Variants in UST observed in about 807,000 individuals in gnomAD.
The protein encoded by UST is uronyl 2-sulfotransferase.
A neutral mutation model predicts 45.6 loss-of-function variants in UST; 21 were observed. That is an observed-to-expected ratio of 0.46 (90% CI 0.33 to 0.66). The LOEUF is 0.66. Ranked by LOEUF, UST falls within the 30% of genes least tolerant of loss-of-function variation. The probability of loss-of-function intolerance (pLI) is 0.02; values close to 1 mark genes in which losing one functional copy is unlikely to be tolerated. For synonymous variants in UST, 215 were observed against 200.6 expected (o/e 1.07, Z -0.61); for missense variants, 463 against 512.4 (o/e 0.90, Z 0.93).
At chr6:148,784,488 G>A (rs1489182347) in intron 1 of UST, among the ~76,000 whole-genome samples, 2 of 152,178 alleles carry the variant, frequency 1.3e-5, no homozygotes, top group Admixed American at 6.5e-5. Flanking sequence ...ACCCATTCAC[G>A]AGGAACTGTC....
At chr6:149,071,774 C>T (rs140915964) in intron 7 of UST, among the ~76,000 whole-genome samples, 118 of 151,864 alleles carry the variant, frequency 7.8e-4, no homozygotes, top group African/African-American at 2.5e-3. Context: ...TTCAACTCAA[C>T]AATAAAAACA....
In UST at chr6:148,747,264, G is replaced by C; in HGVS notation, c.-167G>C. 1.5e-5 allele frequency: 12 copies of C among 777,860 alleles called. No individual in the cohort carries two copies. Among genetic ancestry groups the C allele is most frequent in the Non-Finnish European group, 2.1e-5 (12 of 571,296 alleles). The allele number at this position is 777,860 out of a possible 1,614,324, so 48.2% of individuals were successfully genotyped here. On this transcript the variant is annotated 5_prime_UTR_variant, in exon 1 of 8. Coordinates refer to ENST00000367463, the MANE Select transcript of UST (RefSeq NM_005715.3). Reference sequence around the variant, plus strand: ...GGGCCGCGGCGGCGGGGACCATGCCGAAGAAAGTCTCCTGAGCCCGGCAAC... The same window carrying C: ...GGGCCGCGGCGGCGGGGACCATGCCCAAGAAAGTCTCCTGAGCCCGGCAAC...
intron 1 of UST, among the ~76,000 whole-genome samples, chr6:148,850,240 A>G (rs992890110): frequency 1.4e-4 from 21 of 152,218 alleles, no homozygotes; most frequent in Non-Finnish European, 1.9e-4. Flanking sequence ...TAGCTTCCCC[A>G]GGGCTTCATA....
chr6:149,013,722 A>G (rs1426950840), intron 5 of UST, among the ~76,000 whole-genome samples: 2 of 152,132 alleles, frequency 1.3e-5, no homozygotes, highest in African/African-American at 4.8e-5. Context: ...CATTCAGGGA[A>G]CTTTGCATAT....
rs1778128349 is a variant in UST, at chr6:148,852,596, A to C, written c.248-34390A>C. 2.6e-5 allele frequency among the ~76,000 whole-genome samples: 4 copies of C among 152,164 alleles called. 1 individual carries two copies. On this transcript the variant is annotated intron_variant, in intron 1 of 7. Coordinates refer to ENST00000367463, the MANE Select transcript of UST (RefSeq NM_005715.3). Reference sequence around the variant, plus strand: ...AATCCTCAGAGATCTGGAGCATAGGAGATTGCTTTGAGGGCATGTAGGGTA... The same window carrying C: ...AATCCTCAGAGATCTGGAGCATAGGCGATTGCTTTGAGGGCATGTAGGGTA...
chr6:149,073,675 C>T (rs1026577239), intron 7 of UST, among the ~76,000 whole-genome samples, 158 bp from the exon 8 acceptor site: 14 of 152,196 alleles, frequency 9.2e-5, no homozygotes, highest in Non-Finnish European at 1.8e-4. Flanking sequence ...GTAAGTGTTT[C>T]CAAATATTGT....
In UST at chr6:148,747,364, C is replaced by G. The variant is rs184117487; in HGVS notation, c.-67C>G. 13 of 1,362,502 alleles carry G rather than the reference C, an allele frequency of 9.5e-6. No individual in the cohort carries two copies. Among genetic ancestry groups the G allele is most frequent in the Middle Eastern group, 2.2e-4 (1 of 4,506 alleles). The allele number at this position is 1,362,502 out of a possible 1,614,324, so 84.4% of individuals were successfully genotyped here. On this transcript the variant is annotated 5_prime_UTR_variant, in exon 1 of 8. Transcript: ENST00000367463. ...ATGTGCAGCCGGCCAGCCGGGCTCT[C>G]CTCCTCGCGGCGGATGGGTGACCTT...
At chr6:148,779,750 G>A (rs1468362514) in intron 1 of UST, among the ~76,000 whole-genome samples, 1 of 152,164 alleles carries the variant, frequency 6.6e-6, no homozygotes, top group Non-Finnish European at 1.5e-5. Context: ...ACAGAATAGT[G>A]AATTATTCTC....
chr6:148,815,125 A>G (rs77473276), intron 1 of UST, among the ~76,000 whole-genome samples: 1,856 of 152,372 alleles, frequency 0.012, 32 homozygotes, highest in African/African-American at 0.043. Context: ...ATGAACTCCA[A>G]CACTTACTTG....
intron 7 of UST, 144 bp from the exon 8 acceptor site, chr6:149,073,689 G>A (rs1776849129): frequency 1.1e-6 from 1 of 926,328 alleles, no homozygotes; most frequent in Non-Finnish European, 1.6e-6. Context: ...ATATTGTCAG[G>A]AACCCTTCTT....
intron 3 of UST, among the ~76,000 whole-genome samples, chr6:148,946,620 G>T (rs1780244081): frequency 6.7e-6 from 1 of 150,270 alleles, no homozygotes. Context: ...GACCATCCTG[G>T]CTAACATGGT....
chr6:149,011,855 A>G (rs918261840), intron 5 of UST, among the ~76,000 whole-genome samples: 1 of 140,430 alleles, frequency 7.1e-6, no homozygotes. Flanking sequence ...TTATTTTCCC[A>G]ATAATTTTAA....
intron 1 of UST, among the ~76,000 whole-genome samples, chr6:148,877,793 A>G (rs1582871747): frequency 1.2e-5 from 1 of 80,610 alleles, no homozygotes; most frequent in Non-Finnish European, 2.3e-5. Context: ...GTTGGGTATG[A>G]GTGTGAGGGG....
chr6:148,808,988 C>T (rs1454562901), intron 1 of UST, among the ~76,000 whole-genome samples: 1 of 152,238 alleles, frequency 6.6e-6, no homozygotes, highest in Non-Finnish European at 1.5e-5. Context: ...GTTGTGTAAG[C>T]CACCCGGTCT....
chr6:149,065,248 A>G (rs1776714938), intron 7 of UST, among the ~76,000 whole-genome samples: 1 of 152,238 alleles, frequency 6.6e-6, no homozygotes, highest in Non-Finnish European at 1.5e-5. Flanking sequence ...AAAAATCCTA[A>G]CAACTTCCTC....
intron 5 of UST, among the ~76,000 whole-genome samples, chr6:149,015,842 G>A (rs1049078392): frequency 1.3e-5 from 2 of 152,174 alleles, no homozygotes; most frequent in African/African-American, 4.8e-5. Flanking sequence ...GTCAGAACAG[G>A]CCACTGTAAG....
At chr6:148,917,153 A>C (rs1448325240) in intron 2 of UST, among the ~76,000 whole-genome samples, 1 of 152,184 alleles carries the variant, frequency 6.6e-6, no homozygotes, top group East Asian at 1.9e-4. Flanking sequence ...CCTGGGGAGG[A>C]AAGGCTGCTT....
At chr6:148,995,342 A>G (rs1046469159) in intron 5 of UST, among the ~76,000 whole-genome samples, 3 of 152,162 alleles carry the variant, frequency 2.0e-5, no homozygotes, top group African/African-American at 7.2e-5. Context: ...TTCTTATTTT[A>G]GAGGTAAGAA....
chr6:149,053,746 A>G (rs1776523052), intron 7 of UST, among the ~76,000 whole-genome samples: 1 of 152,240 alleles, frequency 6.6e-6, no homozygotes, highest in African/African-American at 2.4e-5. Context: ...CCACTAATTT[A>G]TCGAAGCACC....
Sources: allele counts gnomAD v4.1 joint callset (sites outside exome capture counted in the v4.1 genomes callset), GRCh38; gene constraint gnomAD v4.1.1; transcripts MANE v1.5; gene names NCBI Gene and HGNC (gene_info 2026-07-23, HGNC 2026-07-21).